PPP5C: variants seen among roughly 807,000 people sequenced by gnomAD.
PPP5C encodes the protein serine/threonine-protein phosphatase 5.
In PPP5C, 21 loss-of-function variants were observed where a neutral mutation model predicts 66.7. The observed-to-expected ratio is 0.31, with a 90% confidence interval of 0.22 to 0.45. PPP5C has a LOEUF of 0.45. PPP5C is among the 20% of genes least tolerant of loss of function. The probability of loss-of-function intolerance (pLI) is 1.00; values close to 1 mark genes in which losing one functional copy is unlikely to be tolerated. For synonymous variants in PPP5C, 246 were observed against 257.4 expected (o/e 0.96, Z 0.43); for missense variants, 464 against 675.9 (o/e 0.69, Z 3.48).
intron 2 of PPP5C, among the ~76,000 whole-genome samples, chr19:46,360,586 G>A (rs749205567): frequency 6.6e-5 from 10 of 151,290 alleles, no homozygotes; most frequent in African/African-American, 1.2e-4. Flanking sequence ...CTGCAACCAC[G>A]GCCTCCTGGG....
Position 46,383,206 on chromosome 19 carries a change from C to T in PPP5C, c.634-205C>T, listed in dbSNP as rs1477518084. ...TTCGTACAAAACAATCGCAATGCTT[C>T]GGCACTGCACAGGCCACAGAAGCCT... On this transcript the variant is annotated intron_variant, in intron 4 of 12. Coordinates refer to ENST00000012443, the MANE Select transcript of PPP5C (RefSeq NM_006247.4). This position sits in a 1 kb window ranked among gnomAD's most constrained non-coding sequence, Gnocchi z 5.0. The T allele has an allele frequency of 4.6e-6, 7 of 1,523,006 alleles. No individual in the cohort carries two copies. The highest frequency in any genetic ancestry group is 2.5e-5 in the East Asian group (1 of 40,310). 94.3% of individuals were successfully genotyped at this position (1,523,006 alleles called of 1,614,324 possible).
intron 2 of PPP5C, among the ~76,000 whole-genome samples, chr19:46,355,249 G>A (rs1972264387): frequency 6.6e-6 from 1 of 151,658 alleles, no homozygotes; most frequent in Non-Finnish European, 1.5e-5. Context: ...GGCTTGGTCA[G>A]TGTGTGTCGA....
intron 4 of PPP5C, among the ~76,000 whole-genome samples, chr19:46,377,704 G>A (rs1972720485): frequency 6.6e-6 from 1 of 152,128 alleles, no homozygotes; most frequent in Non-Finnish European, 1.5e-5. Context: ...TTTCACCACT[G>A]TAAATTAATT....
chr19:46,365,830 A>G (rs1401188016), intron 2 of PPP5C, among the ~76,000 whole-genome samples: 1 of 152,176 alleles, frequency 6.6e-6, no homozygotes, highest in Non-Finnish European at 1.5e-5. Flanking sequence ...GCTGCAATTT[A>G]AAAAGCATGC....
At chr19:46,357,974 G>A (rs908380147) in intron 2 of PPP5C, among the ~76,000 whole-genome samples, 2 of 152,180 alleles carry the variant, frequency 1.3e-5, no homozygotes, top group Admixed American at 6.5e-5. Flanking sequence ...AGGTTGGAGG[G>A]TGGGGCTGAA....
rs575718866 is a variant in PPP5C at position 46,374,452 on chromosome 19, A to G, written c.364-1152A>G. Among the ~76,000 whole-genome samples the G allele has an allele frequency of 2.6e-5, 4 of 152,134 alleles. No individual in the cohort carries two copies. The East Asian group carries it at 7.7e-4, about 29-fold the overall frequency. The stretch of plus-strand genomic sequence containing the variant: ...TGGTGGGCAGGTCAGACGGGGGTCT[A>G]CGTGACTAAACAGGTGAAGTCACTT... On this transcript the variant is annotated intron_variant, in intron 2 of 12. Transcript: ENST00000012443.
intron 11 of PPP5C, among the ~76,000 whole-genome samples, chr19:46,389,805 T>C (rs554873534): frequency 2.6e-5 from 4 of 152,052 alleles, no homozygotes; most frequent in Non-Finnish European, 2.9e-5. Context: ...CCATGAGCTA[T>C]GCCCTGCCCC....
At chr19:46,360,075 G>A (rs935060646) in intron 2 of PPP5C, among the ~76,000 whole-genome samples, 48 of 152,020 alleles carry the variant, frequency 3.2e-4, no homozygotes, top group African/African-American at 1.1e-3. Flanking sequence ...CACTGCACCC[G>A]GCCTGTAAGA....
chr19:46,382,392 G>A (rs1972807703), intron 4 of PPP5C: 1 of 152,132 alleles, frequency 6.6e-6, no homozygotes, highest in South Asian at 2.1e-4. Flanking sequence ...TTGCTTGTTT[G>A]GCTTGTTTTC....
intron 4 of PPP5C, chr19:46,381,537 A>G (rs1324755792): frequency 6.6e-6 from 1 of 152,222 alleles, no homozygotes; most frequent in Non-Finnish European, 1.5e-5. Flanking sequence ...GCTTGAGCCC[A>G]GTAGTTCAAG....
At position 46,347,169 on chromosome 19, in the gene PPP5C, C is replaced by T. The variant is rs1972097094; in HGVS notation, c.73C>T (p.Leu25=). The change falls in exon 1 of 13, where the codon CTG becomes TTG. Residue 25 remains leucine, a synonymous_variant. Transcript: ENST00000012443. The part of the protein sequence containing the change: ...PRDEPPADGA[L]KRAEELKTQA... ...GGACGAACCCCCGGCTGATGGAGCT[C>T]TGAAGCGGGCAGAGGAGCTCAAGAC... 2.4e-5 allele frequency: 39 copies of T among 1,605,946 alleles called. No homozygotes were observed. The highest frequency in any genetic ancestry group is 3.1e-5 in the Non-Finnish European group (36 of 1,176,678).
At chr19:46,373,237 TG>T (rs386809844) in intron 2 of PPP5C, among the ~76,000 whole-genome samples, 83 of 152,236 alleles carry the variant, frequency 5.5e-4, no homozygotes, top group African/African-American at 1.8e-3. Flanking sequence ...GGGGAGGTGG[TG>T]GAAGGGGAGC....
chr19:46,389,179 C>T, intron 11 of PPP5C, among the ~76,000 whole-genome samples: 1 of 151,780 alleles, frequency 6.6e-6, no homozygotes. Flanking sequence ...CAAAAATTAG[C>T]AGGGCGTGGT....
At chr19:46,360,508 T>C (rs1972365767) in intron 2 of PPP5C, among the ~76,000 whole-genome samples, 1 of 152,080 alleles carries the variant, frequency 6.6e-6, no homozygotes, top group Admixed American at 6.5e-5. Flanking sequence ...TTTTTTTTTT[T>C]TTCTTTTTTG....
chr19:46,370,892 C>A (rs1672714993), intron 2 of PPP5C, among the ~76,000 whole-genome samples: 1 of 152,180 alleles, frequency 6.6e-6, no homozygotes, highest in Admixed American at 6.5e-5. Context: ...AGGTGCCCGC[C>A]ACTGCGTCCA....
chr19:46,364,659 TA>T lies in PPP5C; in HGVS notation c.363+10680del, dbSNP rs201029874. On this transcript the variant is annotated intron_variant, in intron 2 of 12. Coordinates refer to ENST00000012443, the MANE Select transcript of PPP5C (RefSeq NM_006247.4). ...TAAAGGGTTTTCTGGGGGAGTTTCC[TA>T]AAAAAAAAATAATTGTACCTTTCAA... Among the ~76,000 whole-genome samples the T allele has an allele frequency of 3.1e-3, 466 of 149,242 alleles. 2 individuals are homozygous for T. The highest frequency in any genetic ancestry group is 5.2e-3 in the Non-Finnish European group (351 of 67,068).
Position 46,384,869 on chromosome 19 carries a change from C to T in PPP5C, c.864C>T (p.Gly288=). 1 of 1,614,170 alleles carries T rather than the reference C, an allele frequency of 6.2e-7. No individual in the cohort carries two copies. The highest frequency in any genetic ancestry group is 8.5e-7 in the Non-Finnish European group (1 of 1,179,986). The stretch of plus-strand genomic sequence containing the variant: ...TAGAAGTGATCCTCACCCTTTTCGG[C>T]TTCAAGCTCCTGTACCCAGATCACT... ...FSVEVILTLF[G]FKLLYPDHFH... is the part of the protein sequence containing the mutation. Residue 288 remains glycine (G), a synonymous_variant, in exon 7 of 13, where the codon GGC becomes GGT. Coordinates refer to ENST00000012443, the MANE Select transcript of PPP5C (RefSeq NM_006247.4).
At chr19:46,387,935 G>A (rs909455968) in intron 9 of PPP5C, 5 of 300,924 alleles carry the variant, frequency 1.7e-5, no homozygotes, top group Admixed American at 8.8e-5. Context: ...CGTGCACAGA[G>A]CCTGGCGAGC....
intron 1 of PPP5C, among the ~76,000 whole-genome samples, chr19:46,350,522 C>A (rs912989154): frequency 6.6e-6 from 1 of 152,114 alleles, no homozygotes; most frequent in Non-Finnish European, 1.5e-5. Flanking sequence ...TGAGCTGGCA[C>A]GGAGGAGAAC....
Sources: allele counts gnomAD v4.1 joint callset (sites outside exome capture counted in the v4.1 genomes callset), GRCh38; gene constraint gnomAD v4.1.1; non-coding constraint Gnocchi (gnomAD v3.1); transcripts MANE v1.5; gene names NCBI Gene and HGNC (gene_info 2026-07-23, HGNC 2026-07-21).